Variants in SPTLC2 observed in about 807,000 individuals in gnomAD.
The protein encoded by SPTLC2 is serine palmitoyltransferase long chain base subunit 2, also known as serine palmitoyltransferase 2.
A neutral mutation model predicts 62.0 loss-of-function variants in SPTLC2; 21 were observed. That is an observed-to-expected ratio of 0.34 (90% CI 0.24 to 0.49). The LOEUF is 0.49. SPTLC2 is among the 20% of genes least tolerant of loss of function. The probability of loss-of-function intolerance (pLI) is 0.99; values close to 1 mark genes in which losing one functional copy is unlikely to be tolerated. For missense variants in SPTLC2, 511 were observed against 713.0 expected, an observed-to-expected ratio of 0.72 and a Z score of 3.23; for synonymous variants, 261 against 261.8, an observed-to-expected ratio of 1.00 and a Z score of 0.03.
chr14:77,540,023 C>G (rs944030959), intron 9 of SPTLC2, among the ~76,000 whole-genome samples: 9 of 151,582 alleles, frequency 5.9e-5, no homozygotes, highest in Admixed American at 4.6e-4. Flanking sequence ...ATGAAGAAAC[C>G]CTGTCTCTAC....
chr14:77,571,941 C>T (rs8022045), intron 4 of SPTLC2, among the ~76,000 whole-genome samples: 63,727 of 150,170 alleles, frequency 0.42, 15,854 homozygotes, highest in East Asian at 0.87. Flanking sequence ...CAGGTGCGGA[C>T]CACCACGCCT....
chr14:77,552,264 C>T (rs200811912), intron 8 of SPTLC2, 42 bp from the exon 9 acceptor site: 35 of 1,611,104 alleles, frequency 2.2e-5, no homozygotes, highest in Non-Finnish European at 2.8e-5. Context: ...ACAATTCTTG[C>T]ATTCACCGGC....
At chr14:77,611,298 G>C (rs2079935549) in intron 1 of SPTLC2, among the ~76,000 whole-genome samples, 1 of 150,562 alleles carries the variant, frequency 6.6e-6, no homozygotes, top group Admixed American at 6.6e-5. Flanking sequence ...GCAAGACTCT[G>C]TCTCAAAAAA....
At chr14:77,578,297 G>C (rs1462204370) in intron 3 of SPTLC2, among the ~76,000 whole-genome samples, 1 of 149,464 alleles carries the variant, frequency 6.7e-6, no homozygotes. Context: ...TTGGATACTT[G>C]ATTCTGATAA....
chr14:77,553,285 A>G (rs2079564947), intron 8 of SPTLC2, among the ~76,000 whole-genome samples: 2 of 152,182 alleles, frequency 1.3e-5, no homozygotes, highest in African/African-American at 4.8e-5. Flanking sequence ...AAATTGTACT[A>G]AAAAAACCAA....
intron 1 of SPTLC2, among the ~76,000 whole-genome samples, chr14:77,615,937 G>A (rs2140071051): frequency 6.6e-6 from 1 of 152,318 alleles, no homozygotes; most frequent in Non-Finnish European, 1.5e-5. Flanking sequence ...GACTGAACGT[G>A]GTAGTCCAGA....
Position 77,506,294 on chromosome 14 carries a change from A to G in SPTLC2, c.*5990T>C, listed in dbSNP as rs928988038. 2.0e-5 allele frequency: 3 copies of G among 152,240 alleles called. No homozygotes were observed. Among genetic ancestry groups the G allele is most frequent in the African/African-American group, 4.8e-5 (2 of 41,464 alleles). The allele number at this position is 152,240 out of a possible 1,614,324, so 9.4% of individuals were successfully genotyped here. A position where few individuals can be genotyped will look rare whatever the true frequency, so the allele number is the denominator to read the frequency against. On this transcript the variant is annotated 3_prime_UTR_variant, in exon 12 of 12. Transcript: ENST00000216484. Reference sequence around the variant, plus strand: ...TCTCAGTTTCCCAGGTTATATGAACATTACAGCAATAGAAAGGGGTTATCA... The same window carrying G: ...TCTCAGTTTCCCAGGTTATATGAACGTTACAGCAATAGAAAGGGGTTATCA...
chr14:77,579,163 A>C, intron 2 of SPTLC2, 54 bp from the exon 3 acceptor site: 1 of 1,580,308 alleles, frequency 6.3e-7, no homozygotes, highest in Non-Finnish European at 8.6e-7. Context: ...TTATTAAAAA[A>C]TTTTTTAACA....
chr14:77,604,976 G>A (rs1018041921), intron 1 of SPTLC2, among the ~76,000 whole-genome samples: 3 of 151,540 alleles, frequency 2.0e-5, no homozygotes, highest in African/African-American at 7.3e-5. Context: ...TGGAATGGCT[G>A]GCCACTTTGA....
intron 9 of SPTLC2, among the ~76,000 whole-genome samples, chr14:77,529,249 TCTTC>T (rs1566769820): frequency 9.5e-6 from 1 of 105,458 alleles, no homozygotes; most frequent in Non-Finnish European, 2.1e-5. Flanking sequence ...TTTGAAAACT[TCTTC>T]TTTTTTTTTT....
chr14:77,544,942 C>A (rs995357732), intron 9 of SPTLC2, among the ~76,000 whole-genome samples: 1 of 152,096 alleles, frequency 6.6e-6, no homozygotes, highest in Non-Finnish European at 1.5e-5. Context: ...TCACTCCCAC[C>A]CTGTTCCTTG....
rs1428195705 is a variant in SPTLC2, at chr14:77,506,589, T to C, written c.*5695A>G. 1 of 152,190 alleles carries C rather than the reference T, an allele frequency of 6.6e-6. No homozygotes were observed. The highest frequency in any genetic ancestry group is 1.5e-5 in the Non-Finnish European group (1 of 68,046). The allele number at this position is 152,190 out of a possible 1,614,324, so 9.4% of individuals were successfully genotyped here. On this transcript the variant is annotated 3_prime_UTR_variant, in exon 12 of 12. Transcript: ENST00000216484. ...AACCATTGGCTTCACATCACTGAGG[T>C]AACAAGACTTAATGTTAAGGGTAAA...
At chr14:77,591,029 C>T (rs1461045384) in intron 2 of SPTLC2, among the ~76,000 whole-genome samples, 1 of 152,228 alleles carries the variant, frequency 6.6e-6, no homozygotes, top group African/African-American at 2.4e-5. Flanking sequence ...AAACCTACTA[C>T]ACAAAGCTTC....
chr14:77,592,559 C>G (rs778628629), intron 2 of SPTLC2, among the ~76,000 whole-genome samples: 4 of 152,108 alleles, frequency 2.6e-5, no homozygotes, highest in Non-Finnish European at 4.4e-5. Flanking sequence ...CATATAATGT[C>G]CCTTCGCCGT....
At chr14:77,529,776 C>G (rs1028625766) in intron 9 of SPTLC2, among the ~76,000 whole-genome samples, 7 of 151,780 alleles carry the variant, frequency 4.6e-5, no homozygotes, top group African/African-American at 7.3e-5. Context: ...ATGTGCGCCA[C>G]CATGCCTGGC....
chr14:77,561,921 A>C (rs2079617070), intron 6 of SPTLC2, among the ~76,000 whole-genome samples: 1 of 152,244 alleles, frequency 6.6e-6, no homozygotes, highest in Non-Finnish European at 1.5e-5. Context: ...TTAATAATAC[A>C]CAAAGATATT....
rs181635995 is a variant in SPTLC2 at position 77,606,285 on chromosome 14, G to A, written c.133-8905C>T. 6.3e-3 allele frequency among the ~76,000 whole-genome samples: 963 copies of A among 152,290 alleles called. 6 individuals are homozygous for A. The highest frequency in any genetic ancestry group is 0.022 in the African/African-American group (915 of 41,556). ...GCAAAGGTTGCAGTGAGCCAAAACC[G>A]CGTGCCACTGCACTCCAGCCTGGGC... is the stretch of plus-strand genomic sequence containing the variant. On this transcript the variant is annotated intron_variant, in intron 1 of 11. Transcript: ENST00000216484.
intron 3 of SPTLC2, among the ~76,000 whole-genome samples, chr14:77,578,160 T>TAAAC (rs1473249380): frequency 1.3e-5 from 2 of 151,954 alleles, no homozygotes; most frequent in South Asian, 2.1e-4. Context: ...AATGAATAAG[T>TAAAC]AAACAAACAA....
rs2299916 is a variant in SPTLC2, at chr14:77,548,159, G to A, written c.1303+3937C>T. Reference sequence around the variant, plus strand: ...TATTTAAAAATGTATCTATTAAAATGTACCTATCTAGTTAATTTGGTTCCA... The same window carrying A: ...TATTTAAAAATGTATCTATTAAAATATACCTATCTAGTTAATTTGGTTCCA... On this transcript the variant is annotated intron_variant, in intron 9 of 11. Coordinates refer to ENST00000216484, the MANE Select transcript of SPTLC2 (RefSeq NM_004863.4). Among the ~76,000 whole-genome samples, 50 of 152,140 alleles carry A rather than the reference G, an allele frequency of 3.3e-4. No homozygotes were observed. In the East Asian group the frequency reaches 9.1e-3, roughly 28 times the overall value.
Sources: allele counts gnomAD v4.1 joint callset (sites outside exome capture counted in the v4.1 genomes callset), GRCh38; gene constraint gnomAD v4.1.1; transcripts MANE v1.5; gene names NCBI Gene and HGNC (gene_info 2026-07-23, HGNC 2026-07-21).